ELK3: variants seen among roughly 807,000 people sequenced by gnomAD.
The protein encoded by ELK3 is ETS domain-containing protein Elk-3.
A neutral mutation model predicts 28.9 loss-of-function variants in ELK3; 10 were observed. That is an observed-to-expected ratio of 0.35 (90% confidence interval 0.21 to 0.59). The LOEUF is 0.59. ELK3 is among the 20% of genes least tolerant of loss of function. ELK3 has a pLI of 0.82. For synonymous variants in ELK3, 272 were observed against 243.5 expected (o/e 1.12, Z -1.09); for missense variants, 463 against 517.3 (o/e 0.90, Z 1.02).
intron 4 of ELK3, among the ~76,000 whole-genome samples, chr12:96,263,401 A>G (rs1211124773): frequency 6.6e-6 from 1 of 152,240 alleles, no homozygotes; most frequent in Non-Finnish European, 1.5e-5. Flanking sequence ...TGTCTGTTCC[A>G]TGACTTTTGA....
intron 1 of ELK3, among the ~76,000 whole-genome samples, chr12:96,198,319 C>T (rs1161419848): frequency 6.6e-6 from 1 of 152,210 alleles, no homozygotes; most frequent in East Asian, 1.9e-4. Context: ...ACCTCAGCCT[C>T]CGCAGTAGCT....
chr12:96,242,400 G>A (rs1226391189), intron 2 of ELK3, among the ~76,000 whole-genome samples: 2 of 152,232 alleles, frequency 1.3e-5, no homozygotes, highest in Non-Finnish European at 1.5e-5. Flanking sequence ...AGAGGATTGA[G>A]TGAGTTGATG....
intron 4 of ELK3, 27 bp downstream of exon 4, chr12:96,259,880 A>G (rs370315320): frequency 6.4e-6 from 10 of 1,572,592 alleles, no homozygotes; most frequent in Non-Finnish European, 8.6e-6. Flanking sequence ...GAACTTTTGA[A>G]CATTAAGCTT....
At chr12:96,245,765 T>A (rs972330684) in intron 2 of ELK3, among the ~76,000 whole-genome samples, 3 of 152,184 alleles carry the variant, frequency 2.0e-5, no homozygotes, top group African/African-American at 7.2e-5. Flanking sequence ...CCCAGTGGGT[T>A]CGGCAGGGAA....
intron 3 of ELK3, among the ~76,000 whole-genome samples, chr12:96,251,256 T>TA (rs1464219241): frequency 6.6e-6 from 1 of 152,204 alleles, no homozygotes; most frequent in African/African-American, 2.4e-5. Context: ...ACCACACCTG[T>TA]ATAAGACAGC....
chr12:96,241,426 T>TTTG (rs1555195185), intron 2 of ELK3, among the ~76,000 whole-genome samples: 1 of 146,348 alleles, frequency 6.8e-6, no homozygotes, highest in South Asian at 2.2e-4. Flanking sequence ...AGTGGAGCGT[T>TTTG]TGTGTGTGTG....
intron 1 of ELK3, among the ~76,000 whole-genome samples, chr12:96,222,031 T>C (rs1396421626): frequency 6.6e-6 from 1 of 152,082 alleles, no homozygotes; most frequent in Non-Finnish European, 1.5e-5. Flanking sequence ...AGGACTTCAG[T>C]GTCTCCCTCC....
At chr12:96,198,424 C>T (rs1417895277) in intron 1 of ELK3, among the ~76,000 whole-genome samples, 1 of 152,110 alleles carries the variant, frequency 6.6e-6, no homozygotes, top group Non-Finnish European at 1.5e-5. Flanking sequence ...GGCTGTAGAG[C>T]CCAGATGACT....
chr12:96,226,554 G>GTGCACACCCATGCCCACA (rs1435917194), intron 2 of ELK3, among the ~76,000 whole-genome samples: 2 of 146,068 alleles, frequency 1.4e-5, no homozygotes, highest in Non-Finnish European at 3.0e-5. Context: ...ATGTCCACAT[G>GTGCACACCCATGCCCACA]TGCACACCCA....
intron 1 of ELK3, among the ~76,000 whole-genome samples, chr12:96,216,851 C>G (rs544520284): frequency 6.6e-6 from 1 of 152,326 alleles, no homozygotes; most frequent in East Asian, 1.9e-4. Context: ...AGTCCCACAA[C>G]CAGACAGGAC....
chr12:96,242,838 C>T (rs372872858), intron 2 of ELK3, among the ~76,000 whole-genome samples: 2 of 152,318 alleles, frequency 1.3e-5, no homozygotes, highest in African/African-American at 2.4e-5. Flanking sequence ...GTAGCCAGAT[C>T]GAATCCGTCT....
intron 2 of ELK3, among the ~76,000 whole-genome samples, chr12:96,239,566 G>A (rs754067682): frequency 4.1e-4 from 62 of 152,166 alleles, no homozygotes; most frequent in Admixed American, 3.3e-4. Context: ...CATAAATGCT[G>A]GCTTCTTTCC....
intron 2 of ELK3, among the ~76,000 whole-genome samples, chr12:96,230,702 G>A (rs1419827890): frequency 1.3e-5 from 2 of 152,174 alleles, no homozygotes; most frequent in East Asian, 1.9e-4. Context: ...TAAATGGGAA[G>A]AAAAGGCGAC....
At chr12:96,218,794 G>T (rs1021744688) in intron 1 of ELK3, among the ~76,000 whole-genome samples, 1 of 151,730 alleles carries the variant, frequency 6.6e-6, no homozygotes, top group African/African-American at 2.4e-5. Context: ...GACCACAGGC[G>T]CCCGCCACCA....
At chr12:96,266,473 GAAC>G (rs978814631) in intron 4 of ELK3, among the ~76,000 whole-genome samples, 6 of 152,222 alleles carry the variant, frequency 3.9e-5, no homozygotes, top group Middle Eastern at 3.4e-3. Context: ...TCATCTTAGT[GAAC>G]AACAATACAG....
intron 4 of ELK3, among the ~76,000 whole-genome samples, chr12:96,264,671 A>C (rs1375638632): frequency 6.6e-6 from 1 of 152,092 alleles, no homozygotes; most frequent in Non-Finnish European, 1.5e-5. Flanking sequence ...TGTGGTCCCA[A>C]CTACTAGGGA....
chr12:96,239,900 C>T (rs1173124959), intron 2 of ELK3, among the ~76,000 whole-genome samples: 1 of 152,248 alleles, frequency 6.6e-6, no homozygotes, highest in Non-Finnish European at 1.5e-5. Context: ...CCTTTCGGGG[C>T]CTGACATGTG....
intron 1 of ELK3, among the ~76,000 whole-genome samples, chr12:96,199,782 C>G (rs1164300144): frequency 6.6e-6 from 1 of 151,998 alleles, no homozygotes; most frequent in Non-Finnish European, 1.5e-5. Flanking sequence ...ATTTACATTT[C>G]CTGGAAAGTA....
At chr12:96,206,323 A>T (rs1326268096) in intron 1 of ELK3, among the ~76,000 whole-genome samples, 3 of 147,078 alleles carry the variant, frequency 2.0e-5, no homozygotes, top group Admixed American at 1.4e-4. Context: ...TTATTTATTT[A>T]TTTTTTTTTT....
Sources: gnomAD v4.1 joint callset for allele counts (sites outside exome capture counted in the v4.1 genomes callset) on GRCh38, gnomAD v4.1.1 for gene constraint, MANE v1.5 for transcripts, NCBI Gene and HGNC (gene_info 2026-07-23, HGNC 2026-07-21) for gene names.